FKBP1B: variants seen among roughly 807,000 people sequenced by gnomAD.
FKBP1B encodes peptidyl-prolyl cis-trans isomerase FKBP1B.
In FKBP1B, 4 loss-of-function variants were observed where a neutral mutation model predicts 13.5. The ratio of observed to expected loss-of-function variants is 0.30; its 90% confidence interval spans 0.15 to 0.68. The LOEUF (loss-of-function observed/expected upper bound fraction) is 0.68. Ranked by LOEUF, FKBP1B falls within the 30% of genes least tolerant of loss-of-function variation. FKBP1B has a pLI of 0.76. For synonymous variants in FKBP1B, 54 were observed against 53.6 expected, an observed-to-expected ratio of 1.01 and a Z score of -0.03; for missense variants, 93 against 136.2, an observed-to-expected ratio of 0.68 and a Z score of 1.58.
At position 24,063,290 on chromosome 2, in the gene FKBP1B, A is replaced by G; in HGVS notation, c.*98A>G. 8.1e-7 allele frequency: 1 copy of G among 1,229,386 alleles called. No individual in the cohort carries two copies. The highest frequency in any genetic ancestry group is 1.5e-5 in the South Asian group (1 of 64,962). 76.2% of individuals were successfully genotyped at this position (1,229,386 alleles called of 1,614,324 possible). ...GCTCCTGCTTTTGGGGCTCTTGATC[A>G]GTGTGCTAACCTCACTGCCTCATGG... is the stretch of plus-strand genomic sequence containing the variant. On this transcript the variant is annotated 3_prime_UTR_variant, in exon 4 of 4. Coordinates refer to ENST00000380986, the MANE Select transcript of FKBP1B (RefSeq NM_004116.5).
chr2:24,057,903 C>G (rs1664210504), intron 2 of FKBP1B, among the ~76,000 whole-genome samples: 1 of 151,758 alleles, frequency 6.6e-6, no homozygotes, highest in South Asian at 2.1e-4. Context: ...TTTAAGAAAT[C>G]TTTGTCTGTC....
intron 2 of FKBP1B, among the ~76,000 whole-genome samples, chr2:24,057,417 A>G (rs544652672): frequency 6.6e-6 from 1 of 151,884 alleles, no homozygotes; most frequent in Non-Finnish European, 1.5e-5. Context: ...ATCGTTGCCC[A>G]GGCTGGAGTG....
chr2:24,041,552 TA>T, the FKBP1B span, among the ~76,000 whole-genome samples: 4 of 152,036 alleles, frequency 2.6e-5, no homozygotes, highest in East Asian at 3.9e-4. Context: ...TGGTGGCTCA[TA>T]GGCATGAGCC....
the FKBP1B span, chr2:24,033,327 C>G: frequency 3.1e-6 from 1 of 324,558 alleles, no homozygotes; most frequent in Non-Finnish European, 6.2e-6. Context: ...AAAAAAATGC[C>G]GAGAGAGTGT....
intron 2 of FKBP1B, among the ~76,000 whole-genome samples, chr2:24,057,157 C>T (rs936794420): frequency 6.6e-6 from 1 of 150,964 alleles, no homozygotes; most frequent in Non-Finnish European, 1.5e-5. Flanking sequence ...TTTATATTTT[C>T]TTCTTTTCTT....
the FKBP1B span, among the ~76,000 whole-genome samples, chr2:24,034,148 T>G: frequency 6.6e-6 from 1 of 152,196 alleles, no homozygotes; most frequent in Non-Finnish European, 1.5e-5. Flanking sequence ...GGGCCGGGTG[T>G]GGTGGCTCAC....
the FKBP1B span, chr2:24,037,927 G>C: frequency 6.2e-7 from 1 of 1,614,020 alleles, no homozygotes; most frequent in African/African-American, 1.3e-5. Flanking sequence ...TCTGGGCAGC[G>C]ATGCTGGCTG....
rs1001427206 is a variant in FKBP1B at position 24,049,743 on chromosome 2, A to G, written c.-107A>G. The G allele has an allele frequency of 2.3e-6, 2 of 868,104 alleles. No individual in the cohort carries two copies. The highest frequency in any genetic ancestry group is 4.3e-5 in the Admixed American group (1 of 23,500). The allele number at this position is 868,104 out of a possible 1,614,324, so 53.8% of individuals were successfully genotyped here. A position where few individuals can be genotyped will look rare whatever the true frequency, so the allele number is the denominator to read the frequency against. ...CCAGCCGCACCTCCTCCGGCTCTGC[A>G]GTGGCGGCGAGGAGGCGAGCCGGAG... On this transcript the variant is annotated 5_prime_UTR_variant, in exon 1 of 4. Transcript: ENST00000380986.
intron 3 of FKBP1B, 53 bp downstream of exon 3, chr2:24,060,979 C>A: frequency 7.4e-7 from 1 of 1,342,422 alleles, no homozygotes; most frequent in Non-Finnish European, 1.1e-6. Context: ...GATCTGGGAT[C>A]AGCACTCTGC....
At chr2:24,056,350 GTT>G (rs1177572065) in intron 2 of FKBP1B, among the ~76,000 whole-genome samples, 1 of 135,402 alleles carries the variant, frequency 7.4e-6, no homozygotes, top group African/African-American at 2.7e-5. Flanking sequence ...GGGTTTTTTT[GTT>G]TTTTTTTTTT....
At chr2:24,041,024 AAAC>A in the FKBP1B span, among the ~76,000 whole-genome samples, 1 of 151,868 alleles carries the variant, frequency 6.6e-6, no homozygotes, top group African/African-American at 2.4e-5. Context: ...CTCAAAAAAG[AAAC>A]AACAACAACA....
At chr2:24,045,362 G>A (rs1461008595), upstream of FKBP1B, among the ~76,000 whole-genome samples, 1 of 152,168 alleles carries the variant, frequency 6.6e-6, no homozygotes, top group Non-Finnish European at 1.5e-5. Flanking sequence ...AGCACTTTGG[G>A]AGGCTGAGGC....
At chr2:24,062,422 A>C (rs1664435400) in intron 3 of FKBP1B, among the ~76,000 whole-genome samples, 3 of 151,762 alleles carry the variant, frequency 2.0e-5, no homozygotes, top group Non-Finnish European at 4.4e-5. Flanking sequence ...CAGGTGATCC[A>C]CCTGCCTCGG....
the FKBP1B span, among the ~76,000 whole-genome samples, chr2:24,035,997 A>G: frequency 6.6e-6 from 1 of 151,506 alleles, no homozygotes; most frequent in Non-Finnish European, 1.5e-5. Context: ...AGAACCTGGG[A>G]GTTGGAGGTT....
chr2:24,054,033 G>C, intron 2 of FKBP1B, 84 bp downstream of exon 2: 1 of 1,347,380 alleles, frequency 7.4e-7, no homozygotes, highest in South Asian at 1.2e-5. Flanking sequence ...AGAGGTGCCT[G>C]CCTCTGGATC....
At chr2:24,039,040 T>A in the FKBP1B span, 1 of 1,614,168 alleles carries the variant, frequency 6.2e-7, no homozygotes, top group Non-Finnish European at 8.5e-7. Context: ...GGTGTTGATG[T>A]CTGCCTTTAC....
At chr2:24,034,637 G>A in the FKBP1B span, among the ~76,000 whole-genome samples, 28 of 148,428 alleles carry the variant, frequency 1.9e-4, no homozygotes, top group East Asian at 6.0e-4. Flanking sequence ...GCAGTGGCAC[G>A]ATCACAGCTC....
the FKBP1B span, chr2:24,038,009 T>A: frequency 6.2e-7 from 1 of 1,614,214 alleles, no homozygotes; most frequent in Non-Finnish European, 8.5e-7. Context: ...ATTTCTTTAA[T>A]AAGTGTTCTT....
In FKBP1B at chr2:24,050,352, C is replaced by T. The variant is rs771955905; in HGVS notation, c.37+466C>T. Among the ~76,000 whole-genome samples the T allele has an allele frequency of 6.6e-6, 1 of 152,186 alleles. No homozygotes were observed. The highest frequency in any genetic ancestry group is 2.4e-5 in the African/African-American group (1 of 41,446). On this transcript the variant is annotated intron_variant, in intron 1 of 3. Transcript: ENST00000380986. The surrounding 1 kb of genome is among the most constrained non-coding windows in gnomAD (Gnocchi z 5.8). ...TCCCCTCGGTCGCTTCCCTGCGGGCCGGGCTGTGAGCGGCTGTGGGGACAG... is the reference window on the plus strand; with the variant it reads ...TCCCCTCGGTCGCTTCCCTGCGGGCTGGGCTGTGAGCGGCTGTGGGGACAG...
Sources: gnomAD v4.1 joint callset for allele counts (sites outside exome capture counted in the v4.1 genomes callset) on GRCh38, gnomAD v4.1.1 for gene constraint, Gnocchi (gnomAD v3.1) non-coding constraint, MANE v1.5 for transcripts, NCBI Gene and HGNC (gene_info 2026-07-23, HGNC 2026-07-21) for gene names.